The following MATN2 variants were observed in gnomAD, a reference collection of about 807,000 sequenced individuals.
MATN2 encodes matrilin-2.
A neutral mutation model predicts 103.2 loss-of-function variants in MATN2; 69 were observed. The observed-to-expected ratio is 0.67, with a 90% CI of 0.55 to 0.82. MATN2 has a LOEUF of 0.82. MATN2 is among the 40% of genes least tolerant of loss of function. MATN2 has a pLI of 0.00. For missense variants in MATN2, 1,023 were observed against 1,211.5 expected, an observed-to-expected ratio of 0.84 and a Z score of 2.31; for synonymous variants, 429 against 450.2, an observed-to-expected ratio of 0.95 and a Z score of 0.60.
intron 2 of MATN2, among the ~76,000 whole-genome samples, chr8:97,899,354 T>C (rs1818913026): frequency 6.6e-6 from 1 of 152,220 alleles, no homozygotes; most frequent in South Asian, 2.1e-4. Context: ...TCTTCCTCAA[T>C]AAATATATAT....
chr8:97,890,133 G>T (rs1818578650), intron 2 of MATN2, among the ~76,000 whole-genome samples: 1 of 152,154 alleles, frequency 6.6e-6, no homozygotes. Context: ...TGTGCAAGTG[G>T]CTGCTCCCAG....
At chr8:97,983,996 G>A (rs1812113838) in intron 6 of MATN2, among the ~76,000 whole-genome samples, 1 of 152,192 alleles carries the variant, frequency 6.6e-6, no homozygotes, top group African/African-American at 2.4e-5. Flanking sequence ...AGTATCGGTT[G>A]TCAGGTTTCT....
intron 2 of MATN2, among the ~76,000 whole-genome samples, chr8:97,908,796 A>C (rs1310471863): frequency 1.3e-5 from 2 of 151,830 alleles, no homozygotes; most frequent in Non-Finnish European, 2.9e-5. Flanking sequence ...TGCCTGGCTA[A>C]TTTTGTGTTT....
chr8:97,980,107 G>A (rs990995590), intron 6 of MATN2, among the ~76,000 whole-genome samples: 2 of 152,202 alleles, frequency 1.3e-5, no homozygotes, highest in Admixed American at 6.5e-5. Flanking sequence ...GAGTCTTGGA[G>A]GTGGAGCTGT....
At chr8:97,984,826 A>G (rs1052676792) in intron 6 of MATN2, among the ~76,000 whole-genome samples, 2 of 152,212 alleles carry the variant, frequency 1.3e-5, no homozygotes, top group African/African-American at 2.4e-5. Context: ...AACCCCACCA[A>G]TATCTGTCCT....
Position 97,931,009 on chromosome 8 carries a change from A to G in MATN2, c.199A>G (p.Ser67Gly). Residue 67 changes from serine to glycine, a missense_variant, in exon 3 of 19, where the codon AGT becomes GGT. By Grantham distance (56) the Ser-to-Gly change is moderately conservative (BLOSUM62 0). Coordinates refer to ENST00000254898, the MANE Select transcript of MATN2 (RefSeq NM_002380.5). The surrounding 1 kb of genome is among the most constrained non-coding windows in gnomAD (Gnocchi z 4.1). ...DLVFIIDSSR[S>G]VNTHDYAKVK... ...GGTTTTCATCATTGACAGCTCTCGCAGTGTCAACACCCATGACTATGCAAA... is the reference window on the plus strand; with the variant it reads ...GGTTTTCATCATTGACAGCTCTCGCGGTGTCAACACCCATGACTATGCAAA... 1 of 1,613,888 alleles carries G rather than the reference A, an allele frequency of 6.2e-7. No individual in the cohort carries two copies. Among genetic ancestry groups the G allele is most frequent in the Non-Finnish European group, 8.5e-7 (1 of 1,179,834 alleles).
intron 10 of MATN2, among the ~76,000 whole-genome samples, chr8:98,009,781 C>T (rs2444896): frequency 6.6e-6 from 1 of 151,930 alleles, no homozygotes; most frequent in East Asian, 1.9e-4. Context: ...GCTGCAGCTG[C>T]GCAGACTCCT....
At chr8:98,001,157 G>A (rs1337340873) in intron 7 of MATN2, among the ~76,000 whole-genome samples, 1 of 152,168 alleles carries the variant, frequency 6.6e-6, no homozygotes, top group Non-Finnish European at 1.5e-5. Flanking sequence ...GGTGCTTTTT[G>A]TTCACACAAA....
intron 3 of MATN2, among the ~76,000 whole-genome samples, chr8:97,937,179 A>T (rs561548528): frequency 1.1e-3 from 165 of 152,280 alleles, no homozygotes; most frequent in African/African-American, 3.8e-3. Context: ...TGTACCAACC[A>T]ACAGTGGCCA....
At chr8:97,953,946 A>G (rs1375808290) in intron 4 of MATN2, among the ~76,000 whole-genome samples, 1 of 152,204 alleles carries the variant, frequency 6.6e-6, no homozygotes, top group African/African-American at 2.4e-5. Context: ...TGGGTGACAG[A>G]GCCAGACCTT....
At chr8:97,891,987 A>G (rs1030374592) in intron 2 of MATN2, among the ~76,000 whole-genome samples, 3 of 152,094 alleles carry the variant, frequency 2.0e-5, no homozygotes, top group African/African-American at 7.2e-5. Flanking sequence ...CTGTAATCCC[A>G]GCACTTTGGG....
intron 2 of MATN2, among the ~76,000 whole-genome samples, chr8:97,918,485 G>A (rs953504133): frequency 3.9e-5 from 6 of 152,214 alleles, no homozygotes; most frequent in African/African-American, 7.2e-5. Context: ...TTTGTGGGGC[G>A]ACATCACTGC....
At chr8:97,938,983 C>T (rs1400668468) in intron 3 of MATN2, among the ~76,000 whole-genome samples, 1 of 152,148 alleles carries the variant, frequency 6.6e-6, no homozygotes, top group Non-Finnish European at 1.5e-5. Context: ...AATTCTCCCG[C>T]CTCAGCCTCC....
At chr8:97,870,091 T>TG (rs1294227868) in intron 1 of MATN2, among the ~76,000 whole-genome samples, 1 of 152,150 alleles carries the variant, frequency 6.6e-6, no homozygotes, top group Admixed American at 6.5e-5. Context: ...GAGCAGAGAC[T>TG]GGGGTCAGCC....
chr8:97,933,531 AC>A (rs946014541), intron 3 of MATN2, among the ~76,000 whole-genome samples: 1 of 52,588 alleles, frequency 1.9e-5, no homozygotes, highest in Non-Finnish European at 3.8e-5. Context: ...CCCTCCCCCC[AC>A]CCCCGCAATC....
chr8:97,924,991 A>C (rs953486916), intron 2 of MATN2, among the ~76,000 whole-genome samples: 3 of 152,112 alleles, frequency 2.0e-5, no homozygotes, highest in Admixed American at 2.0e-4. Context: ...AAAAGAAAAA[A>C]CTCAACCAAA....
chr8:97,927,126 GTTTTGTTTTTGT>G (rs10565947), intron 2 of MATN2, among the ~76,000 whole-genome samples: 5 of 150,712 alleles, frequency 3.3e-5, no homozygotes, highest in Admixed American at 6.6e-5. Context: ...GTTCTGTTTT[GTTTTGTTTTTGT>G]TTTTGTTTTT....
chr8:98,030,281 T>C (rs558870320), intron 14 of MATN2, among the ~76,000 whole-genome samples, 181 bp from the exon 15 acceptor site: 17 of 152,238 alleles, frequency 1.1e-4, no homozygotes, highest in African/African-American at 4.1e-4. Flanking sequence ...CTCTCTTGGA[T>C]CCCTCCCTTT....
In MATN2 at chr8:98,032,262, T is replaced by C. The variant is rs535785802; in HGVS notation, c.2526T>C (p.Asp842=). ...KGICEALEDS[D]GRQDSPAGEL... is the part of the protein sequence containing the mutation. The stretch of plus-strand genomic sequence containing the variant: ...TCTGCTCAGCTCTAGAAGACTCCGA[T>C]GGAAGACAGGACTCTCCAGCAGGGG... Residue 842 remains aspartate, a synonymous_variant, in exon 16 of 19, where the codon GAT becomes GAC. Coordinates refer to ENST00000254898, the MANE Select transcript of MATN2 (RefSeq NM_002380.5). The C allele has an allele frequency of 5.6e-6, 9 of 1,611,872 alleles. No individual in the cohort carries two copies. Among genetic ancestry groups the C allele is most frequent in the Non-Finnish European group, 7.6e-6 (9 of 1,178,942 alleles).
Sources: gnomAD v4.1 joint callset for allele counts (sites outside exome capture counted in the v4.1 genomes callset) on GRCh38, gnomAD v4.1.1 for gene constraint, Gnocchi (gnomAD v3.1) non-coding constraint, MANE v1.5 for transcripts, NCBI Gene and HGNC (gene_info 2026-07-23, HGNC 2026-07-21) for gene names.